The following USP6NL variants were observed in gnomAD, a reference collection of about 807,000 sequenced individuals.
The protein encoded by USP6NL is USP6 N-terminal like.
Under a neutral mutation model 61.9 loss-of-function variants are expected in USP6NL, and 26 were observed. That is an observed-to-expected ratio of 0.42 (90% CI 0.31 to 0.58). The LOEUF is 0.58. Ranked by LOEUF, USP6NL falls within the 20% of genes least tolerant of loss-of-function variation. The pLI, the probability that USP6NL is intolerant of heterozygous loss-of-function variation, is 0.16. For synonymous variants in USP6NL, 432 were observed against 390.1 expected, an observed-to-expected ratio of 1.11 and a Z score of -1.27; for missense variants, 1,114 against 1,034.3, an observed-to-expected ratio of 1.08 and a Z score of -1.06.
intron 2 of USP6NL, chr10:11,564,223 T>A (rs1350897557): frequency 6.6e-6 from 1 of 152,204 alleles, no homozygotes; most frequent in Non-Finnish European, 1.5e-5. Context: ...TAACAAGTTA[T>A]CTGAATGAAG....
In USP6NL at chr10:11,598,699, T is replaced by C. The variant is rs1483382915; in HGVS notation, c.-83-982A>G. 6.6e-6 allele frequency among the ~76,000 whole-genome samples: 1 copy of C among 152,218 alleles called. No individual in the cohort carries two copies. Among genetic ancestry groups the C allele is most frequent in the Non-Finnish European group, 1.5e-5 (1 of 68,018 alleles). On this transcript the variant is annotated intron_variant, in intron 1 of 14. Coordinates refer to ENST00000609104, the MANE Select transcript of USP6NL (RefSeq NM_014688.5). This position sits in a 1 kb window ranked among gnomAD's most constrained non-coding sequence, Gnocchi z 4.7. ...CAATAGGTGATGGTTATTTTCTAAATCAATTAAGAAAACAGTATACTACTA... is the reference window on the plus strand; with the variant it reads ...CAATAGGTGATGGTTATTTTCTAAACCAATTAAGAAAACAGTATACTACTA...
Position 11,485,084 on chromosome 10 carries a change from C to G in USP6NL, c.826-14G>C. 6.5e-7 allele frequency: 1 copy of G among 1,535,582 alleles called. No individual in the cohort carries two copies. Among genetic ancestry groups the G allele is most frequent in the Non-Finnish European group, 8.8e-7 (1 of 1,142,412 alleles). On this transcript the variant is annotated splice_polypyrimidine_tract_variant and intron_variant, in intron 12 of 14. Transcript: ENST00000609104. The surrounding 1 kb of genome is among the most constrained non-coding windows in gnomAD (Gnocchi z 4.8). ...TGTAAAGGGAGTCTACAATTAAAAG[C>G]AAAACAAAACAAAAATAGGGTTAAC...
At position 11,589,784 on chromosome 10, in the gene USP6NL, A is replaced by G. The variant is rs1026022890; in HGVS notation, c.4+7847T>C. ...ACAATATAAATGTTAATGAATATCT[A>G]TTAGTGTCTGACTATAATCTTTTTA... On this transcript the variant is annotated intron_variant, in intron 2 of 14. Coordinates refer to ENST00000609104, the MANE Select transcript of USP6NL (RefSeq NM_014688.5). The surrounding 1 kb of genome is among the most constrained non-coding windows in gnomAD (Gnocchi z 4.7). Among the ~76,000 whole-genome samples, 4 of 152,224 alleles carry G rather than the reference A, an allele frequency of 2.6e-5. No individual in the cohort carries two copies. Among genetic ancestry groups the G allele is most frequent in the African/African-American group, 4.8e-5 (2 of 41,450 alleles).
rs73569109 is a variant in USP6NL at position 11,501,504 on chromosome 10, C to T, written c.277-296G>A. Among the ~76,000 whole-genome samples, 302 of 152,330 alleles carry T rather than the reference C, an allele frequency of 2.0e-3. 5 individuals carry two copies. The highest frequency in any genetic ancestry group is 7.0e-3 in the African/African-American group (292 of 41,580). On this transcript the variant is annotated intron_variant, in intron 6 of 14. Coordinates refer to ENST00000609104, the MANE Select transcript of USP6NL (RefSeq NM_014688.5). ...TTAAGTGGCACAAAAGCAGTCAGTG[C>T]TCTTTTTAAAGGTGTGAACATCTGA...
chr10:11,554,072 C>G (rs1836592492), intron 2 of USP6NL, among the ~76,000 whole-genome samples: 1 of 152,144 alleles, frequency 6.6e-6, no homozygotes. Flanking sequence ...AAAGCTAACT[C>G]ATTAGGTAAA....
chr10:11,555,099 TTTTTTTTTGG>T (rs1836637117), intron 2 of USP6NL, among the ~76,000 whole-genome samples: 2 of 133,354 alleles, frequency 1.5e-5, no homozygotes, highest in African/African-American at 2.7e-5. Context: ...CCTGTTTTTT[TTTTTTTTTGG>T]TTTTTTTTTT....
chr10:11,499,461 T>C lies in USP6NL; in HGVS notation c.384+1640A>G. Among the ~76,000 whole-genome samples the C allele has an allele frequency of 6.6e-6, 1 of 152,198 alleles. No homozygotes were observed. The highest frequency in any genetic ancestry group is 2.1e-4 in the South Asian group (1 of 4,830). ...GGCAAGCTGGGATGAATAGTGTCCC[T>C]CCAAAACTCATGTCCACCAAGAACC... is the stretch of plus-strand genomic sequence containing the variant. On this transcript the variant is annotated intron_variant, in intron 7 of 14. Transcript: ENST00000609104. The surrounding 1 kb of genome is among the most constrained non-coding windows in gnomAD (Gnocchi z 4.5).
intron 10 of USP6NL, among the ~76,000 whole-genome samples, chr10:11,486,429 C>T (rs1833472633): frequency 6.6e-6 from 1 of 152,088 alleles, no homozygotes; most frequent in Non-Finnish European, 1.5e-5. Context: ...AATACAGGCA[C>T]TAGATGATCA....
intron 2 of USP6NL, among the ~76,000 whole-genome samples, chr10:11,566,284 A>C (rs982182409): frequency 2.0e-5 from 3 of 152,224 alleles, no homozygotes; most frequent in African/African-American, 7.2e-5. Flanking sequence ...TGGCATATAT[A>C]AACAGTTTCT....
At chr10:11,534,400 G>A (rs563548915) in intron 2 of USP6NL, among the ~76,000 whole-genome samples, 3 of 152,216 alleles carry the variant, frequency 2.0e-5, no homozygotes, top group Admixed American at 1.3e-4. Context: ...AACAGGATCC[G>A]TAACATTGCC....
At position 11,465,578 on chromosome 10, in the gene USP6NL, T is replaced by C. The variant is rs777784771; in HGVS notation, c.1079-1729A>G. Among the ~76,000 whole-genome samples, 2 of 152,098 alleles carry C rather than the reference T, an allele frequency of 1.3e-5. No homozygotes were observed. Among genetic ancestry groups the C allele is most frequent in the African/African-American group, 2.4e-5 (1 of 41,368 alleles). On this transcript the variant is annotated intron_variant, in intron 14 of 14. Transcript: ENST00000609104. The surrounding 1 kb of genome is among the most constrained non-coding windows in gnomAD (Gnocchi z 4.5). ...AAAACAAACAAAACCAAAAAAGGAA[T>C]AGATTTCCAGCTGGTCTGCTGCTGC...
intron 1 of USP6NL, among the ~76,000 whole-genome samples, chr10:11,609,960 G>C (rs1273856400): frequency 6.6e-6 from 1 of 152,166 alleles, no homozygotes; most frequent in Non-Finnish European, 1.5e-5. Flanking sequence ...CAAAGAGTCT[G>C]GCTGCATAGC....
chr10:11,526,542 T>C (rs1434028711), intron 3 of USP6NL, among the ~76,000 whole-genome samples: 1 of 152,182 alleles, frequency 6.6e-6, no homozygotes, highest in Non-Finnish European at 1.5e-5. Flanking sequence ...TAAAACCTCA[T>C]CACAATGAAG....
In USP6NL at chr10:11,528,508, C is replaced by A. The variant is rs1026360385; in HGVS notation, c.5-941G>T. The stretch of plus-strand genomic sequence containing the variant: ...CCACATGACACTCTAAGGTAGGCAT[C>A]ATTATGAATCCTACACCGCGATAAA... On this transcript the variant is annotated intron_variant, in intron 2 of 14. Coordinates refer to ENST00000609104, the MANE Select transcript of USP6NL (RefSeq NM_014688.5). This position sits in a 1 kb window ranked among gnomAD's most constrained non-coding sequence, Gnocchi z 4.6. Among the ~76,000 whole-genome samples, 4 of 152,152 alleles carry A rather than the reference C, an allele frequency of 2.6e-5. No homozygotes were observed. Among genetic ancestry groups the A allele is most frequent in the Non-Finnish European group, 5.9e-5 (4 of 68,032 alleles).
chr10:11,463,712 C>A lies in USP6NL; in HGVS notation c.1216G>T (p.Gly406Trp). ...SPLASGRRES[G>W]APHRRHEHSP... The stretch of plus-strand genomic sequence containing the variant: ...TGCTCGTGCCTCCTGTGGGGCGCCC[C>A]GCTCTCCCTCCTGCCGCTGGCCAGC... The change falls in exon 15 of 15, where the codon GGG (glycine) becomes TGG (tryptophan). Residue 406 changes from glycine to tryptophan, a missense_variant. By Grantham distance (184) the Gly-to-Trp change is radical. Transcript: ENST00000609104. This position sits in a 1 kb window ranked among gnomAD's most constrained non-coding sequence, Gnocchi z 6.3. 3 of 1,610,960 alleles carry A rather than the reference C, an allele frequency of 1.9e-6. No individual in the cohort carries two copies. The highest frequency in any genetic ancestry group is 2.5e-6 in the Non-Finnish European group (3 of 1,178,200).
chr10:11,534,172 G>T (rs928718525), intron 2 of USP6NL, among the ~76,000 whole-genome samples: 2 of 152,234 alleles, frequency 1.3e-5, no homozygotes, highest in East Asian at 1.9e-4. Flanking sequence ...CCCTACACTT[G>T]ATGTCTCTCC....
rs976860095 is a variant in USP6NL at position 11,525,803 on chromosome 10, C to T, written c.73-335G>A. The stretch of plus-strand genomic sequence containing the variant: ...AGAAAGCCACTCCAGAAGAAACTGC[C>T]GAACCTTACAGTTCTAGACCAAACA... On this transcript the variant is annotated intron_variant, in intron 3 of 14. Transcript: ENST00000609104. The surrounding 1 kb of genome is among the most constrained non-coding windows in gnomAD (Gnocchi z 5.0). Among the ~76,000 whole-genome samples, 6 of 152,158 alleles carry T rather than the reference C, an allele frequency of 3.9e-5. No individual in the cohort carries two copies. The highest frequency in any genetic ancestry group is 1.3e-4 in the Admixed American group (2 of 15,280).
Position 11,597,600 on chromosome 10 carries a change from T to C in USP6NL, c.4+31A>G, listed in dbSNP as rs1011769570. 7.7e-6 allele frequency: 12 copies of C among 1,549,898 alleles called. No homozygotes were observed. Among genetic ancestry groups the C allele is most frequent in the Non-Finnish European group, 8.7e-6 (10 of 1,145,468 alleles). ...CACAATACAGCAAACGCTCCTGAGA[T>C]GGCTGGAAGGAAAGGAAGCAGCGCA... On this transcript the variant is annotated intron_variant, in intron 2 of 14. Coordinates refer to ENST00000609104, the MANE Select transcript of USP6NL (RefSeq NM_014688.5). This position sits in a 1 kb window ranked among gnomAD's most constrained non-coding sequence, Gnocchi z 4.6.
In USP6NL at chr10:11,470,727, A is replaced by G. The variant is rs1036618044; in HGVS notation, c.1079-6878T>C. On this transcript the variant is annotated intron_variant, in intron 14 of 14. Coordinates refer to ENST00000609104, the MANE Select transcript of USP6NL (RefSeq NM_014688.5). The surrounding 1 kb of genome is among the most constrained non-coding windows in gnomAD (Gnocchi z 5.4). ...CTAACTGTAACTAAAACATTCACAC[A>G]TAATTGATGTCAAAACAGAAAACTA... Among the ~76,000 whole-genome samples, 4 of 152,228 alleles carry G rather than the reference A, an allele frequency of 2.6e-5. No homozygotes were observed. The highest frequency in any genetic ancestry group is 6.5e-5 in the Admixed American group (1 of 15,288).
Sources: allele counts gnomAD v4.1 joint callset (sites outside exome capture counted in the v4.1 genomes callset), GRCh38; gene constraint gnomAD v4.1.1; non-coding constraint Gnocchi (gnomAD v3.1); transcripts MANE v1.5; gene names NCBI Gene and HGNC (gene_info 2026-07-23, HGNC 2026-07-21).